Variants in CSMD1 observed in about 807,000 individuals in gnomAD.
CSMD1 encodes the protein CUB and Sushi multiple domains 1, also known as CUB and sushi domain-containing protein 1.
A neutral mutation model predicts 417.5 loss-of-function variants in CSMD1; 213 were observed. That is an observed-to-expected ratio of 0.51 (90% CI 0.46 to 0.57). CSMD1 has a LOEUF of 0.57. CSMD1 is among the 20% of genes least tolerant of loss of function. CSMD1 has a pLI of 0.00. For synonymous variants in CSMD1, 2,862 were observed against 1,736.8 expected, an observed-to-expected ratio of 1.65 and a Z score of -16.11; for missense variants, 6,923 against 4,529.7, an observed-to-expected ratio of 1.53 and a Z score of -15.17.
intron 1 of CSMD1, among the ~76,000 whole-genome samples, chr8:4,829,340 A>C (rs62484630): frequency 1.3e-5 from 2 of 152,210 alleles, no homozygotes; most frequent in East Asian, 1.9e-4. Flanking sequence ...TTTAACCTAC[A>C]TTACGTGTCT....
At chr8:4,288,059 G>A (rs901445345) in intron 3 of CSMD1, among the ~76,000 whole-genome samples, 5 of 152,230 alleles carry the variant, frequency 3.3e-5, no homozygotes, top group African/African-American at 1.2e-4. Context: ...AAACAAGGAG[G>A]ATATAAAACT....
intron 1 of CSMD1, among the ~76,000 whole-genome samples, chr8:4,718,342 C>T (rs562321395): frequency 8.6e-4 from 131 of 152,218 alleles, no homozygotes; most frequent in Admixed American, 2.6e-3. Flanking sequence ...TCAATTATCA[C>T]TATTGGTAAA....
At chr8:4,518,532 C>A (rs938319166) in intron 2 of CSMD1, among the ~76,000 whole-genome samples, 1 of 150,560 alleles carries the variant, frequency 6.6e-6, no homozygotes, top group Admixed American at 6.7e-5. Flanking sequence ...AACCAAACAC[C>A]GCGTGCTCTC....
At chr8:3,655,413 G>C (rs2469392) in intron 7 of CSMD1, among the ~76,000 whole-genome samples, 3 of 152,146 alleles carry the variant, frequency 2.0e-5, no homozygotes, top group Non-Finnish European at 4.4e-5. Flanking sequence ...ACTCTTTTAA[G>C]ATAACATTTA....
chr8:4,508,336 G>C (rs1169156424), intron 2 of CSMD1, among the ~76,000 whole-genome samples: 2 of 152,006 alleles, frequency 1.3e-5, no homozygotes, highest in African/African-American at 4.8e-5. Flanking sequence ...AAAACTACAG[G>C]ATTGTATAAG....
At chr8:4,805,586 C>G (rs562319064) in intron 1 of CSMD1, among the ~76,000 whole-genome samples, 1 of 152,168 alleles carries the variant, frequency 6.6e-6, no homozygotes, top group Non-Finnish European at 1.5e-5. Context: ...GAGAGGAAGA[C>G]GCTGAGCCAA....
chr8:3,942,112 T>C (rs111368104), intron 5 of CSMD1, among the ~76,000 whole-genome samples: 10,101 of 151,932 alleles, frequency 0.066, 379 homozygotes, highest in South Asian at 0.1. Context: ...TGCCTGATGA[T>C]CTGTCACGCT....
At chr8:3,926,931 G>C (rs1385645199) in intron 5 of CSMD1, among the ~76,000 whole-genome samples, 3 of 151,540 alleles carry the variant, frequency 2.0e-5, no homozygotes, top group Admixed American at 2.0e-4. Flanking sequence ...GGCCAGGATG[G>C]TCTCAAACTC....
At chr8:3,471,933 C>T (rs946542754) in intron 11 of CSMD1, among the ~76,000 whole-genome samples, 3 of 152,152 alleles carry the variant, frequency 2.0e-5, no homozygotes, top group East Asian at 1.9e-4. Context: ...CAAAACGAGT[C>T]GAGGAGAGTG....
chr8:4,239,849 G>C (rs889165958), intron 3 of CSMD1, among the ~76,000 whole-genome samples: 1 of 152,076 alleles, frequency 6.6e-6, no homozygotes, highest in African/African-American at 2.4e-5. Flanking sequence ...ACACTATTTT[G>C]GAATATAGTG....
At chr8:3,281,369 A>G (rs913279940) in intron 26 of CSMD1, among the ~76,000 whole-genome samples, 2 of 152,140 alleles carry the variant, frequency 1.3e-5, no homozygotes, top group African/African-American at 4.8e-5. Flanking sequence ...CCTGGAACCC[A>G]GGAGGCAGAG....
At chr8:4,360,220 C>A (rs1026967321) in intron 3 of CSMD1, among the ~76,000 whole-genome samples, 9 of 152,076 alleles carry the variant, frequency 5.9e-5, no homozygotes, top group Admixed American at 2.0e-4. Flanking sequence ...TAGGGGGTAA[C>A]CCTTCTCATC....
chr8:4,365,502 G>A (rs188699920), intron 3 of CSMD1, among the ~76,000 whole-genome samples: 3 of 152,146 alleles, frequency 2.0e-5, no homozygotes, highest in South Asian at 2.1e-4. Context: ...GCAGTGCTAC[G>A]AATCCAGGCG....
At chr8:3,325,202 G>A (rs1202654874) in intron 23 of CSMD1, among the ~76,000 whole-genome samples, 1 of 152,140 alleles carries the variant, frequency 6.6e-6, no homozygotes, top group African/African-American at 2.4e-5. Flanking sequence ...ACGGTGTCCA[G>A]GTCTCCAGGC....
chr8:4,121,141 G>C (rs994840472), intron 3 of CSMD1, among the ~76,000 whole-genome samples: 3 of 151,798 alleles, frequency 2.0e-5, no homozygotes, highest in Admixed American at 6.6e-5. Context: ...TTTGGGCAGA[G>C]TCTCACTCTG....
intron 3 of CSMD1, among the ~76,000 whole-genome samples, chr8:4,251,989 A>T (rs1345689324): frequency 6.6e-6 from 1 of 152,062 alleles, no homozygotes; most frequent in East Asian, 1.9e-4. Flanking sequence ...AAACAGAGCT[A>T]ATTACAAGCA....
At chr8:3,156,533 C>A (rs1819545668) in intron 39 of CSMD1, among the ~76,000 whole-genome samples, 1 of 152,024 alleles carries the variant, frequency 6.6e-6, no homozygotes, top group Non-Finnish European at 1.5e-5. Context: ...GTGGTGGTAG[C>A]CCAGGGTAGA....
chr8:4,266,485 A>C lies in CSMD1; in HGVS notation c.415+153468T>G, dbSNP rs1229188118. ...ATAGAAGCCAAGGATAAAATTTATA[A>C]CTCTGTCAAAGTATTCACTAAATTT... On this transcript the variant is annotated intron_variant, in intron 3 of 69. Coordinates refer to ENST00000635120, the MANE Select transcript of CSMD1 (RefSeq NM_033225.6). Among the ~76,000 whole-genome samples, 2 of 104,440 alleles carry C rather than the reference A, an allele frequency of 1.9e-5. 1 individual carries two copies. The highest frequency in any genetic ancestry group is 1.8e-4 in the Admixed American group (2 of 11,028). The allele number at this position is 104,440 out of a possible 152,430, so 68.5% of individuals were successfully genotyped here.
intron 7 of CSMD1, chr8:3,704,778 G>C (rs557656997): frequency 4.6e-5 from 7 of 152,296 alleles, no homozygotes; most frequent in Admixed American, 6.5e-5. Flanking sequence ...AGTTTCCTGA[G>C]GCTGTCAGGG....
Sources: gnomAD v4.1 joint callset for allele counts (sites outside exome capture counted in the v4.1 genomes callset) on GRCh38, gnomAD v4.1.1 for gene constraint, MANE v1.5 for transcripts, NCBI Gene and HGNC (gene_info 2026-07-23, HGNC 2026-07-21) for gene names.